RSPH14: variants seen among roughly 807,000 people sequenced by gnomAD.
RSPH14 encodes radial spoke head 14 homolog, also known as rhabdoid tumor deletion region gene 1.
Under a neutral mutation model 26.7 loss-of-function variants are expected in RSPH14, and 20 were observed. The ratio of observed to expected loss-of-function variants is 0.75; its 90% CI spans 0.53 to 1.09. The LOEUF (loss-of-function observed/expected upper bound fraction) is 1.09. Ranked by LOEUF, RSPH14 falls within the 50% of genes least tolerant of loss-of-function variation. RSPH14 has a pLI of 0.00. For synonymous variants in RSPH14, 177 were observed against 189.3 expected (o/e 0.93, Z 0.53); for missense variants, 449 against 457.2 (o/e 0.98, Z 0.16).
chr22:23,065,664 C>T (rs532421317), intron 4 of RSPH14, among the ~76,000 whole-genome samples: 70 of 151,230 alleles, frequency 4.6e-4, no homozygotes, highest in Middle Eastern at 6.8e-3. Flanking sequence ...AACGGGCCTA[C>T]CTGGCAGGGG....
intron 6 of RSPH14, among the ~76,000 whole-genome samples, chr22:23,060,467 C>CT (rs1459169290): frequency 6.8e-6 from 1 of 148,070 alleles, no homozygotes. Context: ...GAGACTCCAT[C>CT]TCAAAAAAAA....
intron 4 of RSPH14, among the ~76,000 whole-genome samples, chr22:23,120,384 G>A (rs574303787): frequency 2.6e-5 from 4 of 152,122 alleles, no homozygotes; most frequent in East Asian, 3.9e-4. Flanking sequence ...GTGGTCTATC[G>A]GCCCCTCCCA....
the RSPH14 span, among the ~76,000 whole-genome samples, chr22:23,151,129 C>T: frequency 9.2e-5 from 14 of 152,196 alleles, no homozygotes; most frequent in Non-Finnish European, 1.9e-4. Context: ...TGCCAGAGAG[C>T]GCAGCTAGAG....
At chr22:23,168,493 C>T in the RSPH14 span, among the ~76,000 whole-genome samples, 1 of 147,228 alleles carries the variant, frequency 6.8e-6, no homozygotes, top group African/African-American at 2.6e-5. Context: ...GCACCGCTCC[C>T]CGCCACACAC....
intron 4 of RSPH14, among the ~76,000 whole-genome samples, chr22:23,065,126 T>C (rs940743108): frequency 3.9e-5 from 6 of 152,222 alleles, no homozygotes; most frequent in African/African-American, 1.4e-4. Flanking sequence ...ACCCTCTAAT[T>C]TACTCTAGAG....
chr22:23,065,853 C>T (rs995899274), intron 4 of RSPH14, among the ~76,000 whole-genome samples: 13 of 152,144 alleles, frequency 8.5e-5, no homozygotes, highest in East Asian at 5.8e-4. Context: ...ACAAGACAAA[C>T]GCTGCACAGC....
chr22:23,157,423 T>C, the RSPH14 span, among the ~76,000 whole-genome samples: 1 of 151,918 alleles, frequency 6.6e-6, no homozygotes, highest in African/African-American at 2.4e-5. Flanking sequence ...GCTAATTTTT[T>C]TGTGTGTGTG....
Position 23,134,060 on chromosome 22 carries a change from G to C in RSPH14, c.387C>G (p.Tyr129Ter). The change falls in exon 4 of 7, where the codon TAC becomes TAG. Residue 129 changes from tyrosine (Y) to a stop codon, truncating the protein, a stop_gained. Transcript: ENST00000216036. LOFTEE classifies it high-confidence loss of function. ...DPSPVCRGNL[Y>*]KAYMQLVQVP... Reference sequence around the variant, plus strand: ...CCTGGACCAGCTGCATGTATGCCTTGTACAGGTTCCCCCGGCAGACTGGGC... The same window carrying C: ...CCTGGACCAGCTGCATGTATGCCTTCTACAGGTTCCCCCGGCAGACTGGGC... The C allele has an allele frequency of 6.2e-7, 1 of 1,613,840 alleles. No homozygotes were observed. Among genetic ancestry groups the C allele is most frequent in the Non-Finnish European group, 8.5e-7 (1 of 1,179,800 alleles).
At chr22:23,123,553 C>G in intron 4 of RSPH14, 1 of 637,108 alleles carries the variant, frequency 1.6e-6, no homozygotes, top group Non-Finnish European at 2.7e-6. Flanking sequence ...TCCCCCACCC[C>G]TTGGCCTCTG....
intron 4 of RSPH14, among the ~76,000 whole-genome samples, chr22:23,075,094 T>TGGTC (rs2146252035): frequency 6.6e-6 from 1 of 152,270 alleles, no homozygotes; most frequent in Admixed American, 6.5e-5. Context: ...GGAAGCTGGC[T>TGGTC]GGTCACAGGG....
the RSPH14 span, among the ~76,000 whole-genome samples, chr22:23,178,398 A>G: frequency 1.4e-5 from 2 of 146,992 alleles, no homozygotes; most frequent in Non-Finnish European, 3.0e-5. Context: ...CCTGGGCAAC[A>G]GTGTGAGACT....
the RSPH14 span, chr22:23,161,100 G>GT: frequency 2.1e-6 from 3 of 1,402,824 alleles, no homozygotes; most frequent in South Asian, 1.4e-5. Flanking sequence ...TCCTGAACTT[G>GT]TGGCCCTCTC....
At chr22:23,158,282 A>G in the RSPH14 span, among the ~76,000 whole-genome samples, 3 of 152,330 alleles carry the variant, frequency 2.0e-5, no homozygotes, top group South Asian at 6.2e-4. Context: ...ACCCCCAGGC[A>G]CGTGCTCAGA....
intron 4 of RSPH14, among the ~76,000 whole-genome samples, chr22:23,108,439 G>A (rs2069548019): frequency 6.6e-6 from 1 of 152,274 alleles, no homozygotes; most frequent in African/African-American, 2.4e-5. Flanking sequence ...ATGCAGGGTA[G>A]CACAGCAAAG....
chr22:23,127,276 G>A (rs1263990169), intron 4 of RSPH14, among the ~76,000 whole-genome samples: 1 of 152,218 alleles, frequency 6.6e-6, no homozygotes, highest in Non-Finnish European at 1.5e-5. Context: ...ACCCAGATGA[G>A]CCTGACGAGA....
At chr22:23,153,955 C>T in the RSPH14 span, among the ~76,000 whole-genome samples, 317 of 152,252 alleles carry the variant, frequency 2.1e-3, no homozygotes, top group African/African-American at 7.1e-3. Flanking sequence ...TCCCAAAGTG[C>T]TGGGATTACA....
chr22:23,148,151 C>G (rs1398435090), upstream of RSPH14, among the ~76,000 whole-genome samples: 1 of 151,996 alleles, frequency 6.6e-6, no homozygotes, highest in Non-Finnish European at 1.5e-5. Context: ...TGTGGCTCTT[C>G]CTCCTTCCCC....
intron 1 of RSPH14, 125 bp from the exon 2 acceptor site, chr22:23,140,597 T>C (rs2070579485): frequency 2.7e-6 from 3 of 1,128,170 alleles, no homozygotes; most frequent in Admixed American, 5.8e-5. Context: ...ATGAGCAAAC[T>C]GAGGCTGAGA....
chr22:23,131,558 C>G, intron 4 of RSPH14: 1 of 1,251,586 alleles, frequency 8.0e-7, no homozygotes. Flanking sequence ...CATCTCTGTA[C>G]TTCTCTGAAT....
Sources: gnomAD v4.1 joint callset for allele counts (sites outside exome capture counted in the v4.1 genomes callset) on GRCh38, gnomAD v4.1.1 for gene constraint, MANE v1.5 for transcripts, NCBI Gene and HGNC (gene_info 2026-07-23, HGNC 2026-07-21) for gene names.